Variants in TBC1D22A observed in about 807,000 individuals in gnomAD.
The protein encoded by TBC1D22A is TBC1 domain family member 22A, also known as putative GTPase activator.
Under a neutral mutation model 60.2 loss-of-function variants are expected in TBC1D22A, and 38 were observed. The ratio of observed to expected loss-of-function variants is 0.63; its 90% CI spans 0.49 to 0.83. The LOEUF is 0.83. TBC1D22A is among the 40% of genes least tolerant of loss of function. TBC1D22A has a pLI of 0.00. For missense variants in TBC1D22A, 628 were observed against 701.0 expected (o/e 0.90, Z 1.18); for synonymous variants, 302 against 281.7 (o/e 1.07, Z -0.72).
intron 12 of TBC1D22A, among the ~76,000 whole-genome samples, chr22:47,125,318 C>T (rs993700134): frequency 1.3e-5 from 2 of 152,218 alleles, no homozygotes; most frequent in African/African-American, 4.8e-5. Flanking sequence ...GCGGGGCTTT[C>T]TCAGAAGCCG....
At chr22:46,836,491 A>G (rs1348399443) in intron 4 of TBC1D22A, among the ~76,000 whole-genome samples, 1 of 152,168 alleles carries the variant, frequency 6.6e-6, no homozygotes, top group Non-Finnish European at 1.5e-5. Context: ...TATGGAAAAT[A>G]TAAAGAGAAA....
rs75671623 is a variant in TBC1D22A at position 46,844,762 on chromosome 22, C to G, written c.638-33891C>G. 5.3e-5 allele frequency among the ~76,000 whole-genome samples: 8 copies of G among 152,282 alleles called. No individual in the cohort carries two copies. In the East Asian group the frequency reaches 1.5e-3, roughly 29 times the overall value. On this transcript the variant is annotated intron_variant, in intron 4 of 12. Coordinates refer to ENST00000337137, the MANE Select transcript of TBC1D22A (RefSeq NM_014346.5). ...CACTTGCAGGCATCATAGCAGTTGA[C>G]GGTCTGAGCACAGTGAGGCTGGCCT...
intron 6 of TBC1D22A, 102 bp downstream of exon 6, chr22:46,891,496 G>C: frequency 7.6e-7 from 1 of 1,313,748 alleles, no homozygotes; most frequent in South Asian, 1.8e-5. Context: ...GTTGGTCAGA[G>C]TTAAAGATGC....
chr22:47,060,658 C>T (rs947149863), intron 11 of TBC1D22A, among the ~76,000 whole-genome samples: 1 of 152,286 alleles, frequency 6.6e-6, no homozygotes, highest in South Asian at 2.1e-4. Flanking sequence ...TCTTGAACTC[C>T]TGACCTCAGG....
intron 9 of TBC1D22A, 55 bp from the exon 10 acceptor site, chr22:46,997,578 TG>T: frequency 6.9e-7 from 1 of 1,453,838 alleles, no homozygotes. Flanking sequence ...TTTTCCCTTT[TG>T]GAAAGTTTGT....
At chr22:46,786,110 A>T (rs2084149344) in intron 1 of TBC1D22A, among the ~76,000 whole-genome samples, 1 of 152,190 alleles carries the variant, frequency 6.6e-6, no homozygotes, top group Admixed American at 6.5e-5. Flanking sequence ...GGGGCAAAAT[A>T]TTCAGCCTTT....
Position 47,028,481 on chromosome 22 carries a change from G to A in TBC1D22A, c.1202-8590G>A, listed in dbSNP as rs560375501. Among the ~76,000 whole-genome samples, 354 of 129,490 alleles carry A rather than the reference G, an allele frequency of 2.7e-3. 4 individuals are homozygous for A. The highest frequency in any genetic ancestry group is 9.8e-3 in the African/African-American group (276 of 28,212). The allele number at this position is 129,490 out of a possible 152,430, so 85.0% of individuals were successfully genotyped here. A position where few individuals can be genotyped will look rare whatever the true frequency, so the allele number is the denominator to read the frequency against. On this transcript the variant is annotated intron_variant, in intron 10 of 12. Coordinates refer to ENST00000337137, the MANE Select transcript of TBC1D22A (RefSeq NM_014346.5). This position sits in a 1 kb window ranked among gnomAD's most constrained non-coding sequence, Gnocchi z 4.4. ...GTCCCCCACGGCCCAGGTTCTGAGA[G>A]CGAGTGGTCGCATTCCTGTCCCTCG...
intron 4 of TBC1D22A, among the ~76,000 whole-genome samples, chr22:46,812,383 G>A (rs1437089979): frequency 6.6e-6 from 1 of 152,132 alleles, no homozygotes; most frequent in Non-Finnish European, 1.5e-5. Context: ...TGGGCTTGTG[G>A]TGCTGAGGAG....
At chr22:46,916,379 C>T (rs942327974) in intron 8 of TBC1D22A, among the ~76,000 whole-genome samples, 3 of 152,172 alleles carry the variant, frequency 2.0e-5, no homozygotes, top group East Asian at 1.9e-4. Flanking sequence ...AGGACACTGC[C>T]GGCCTGAGTC....
At chr22:47,065,854 C>T (rs570653610) in intron 11 of TBC1D22A, among the ~76,000 whole-genome samples, 39 of 152,216 alleles carry the variant, frequency 2.6e-4, no homozygotes, top group African/African-American at 7.2e-4. Flanking sequence ...TCCAGCTGTG[C>T]GTGGGGTGGG....
intron 4 of TBC1D22A, among the ~76,000 whole-genome samples, chr22:46,816,643 G>T (rs1230146112): frequency 6.6e-6 from 1 of 152,192 alleles, no homozygotes; most frequent in Admixed American, 6.5e-5. Flanking sequence ...CCACGTGGTA[G>T]ATGACAGGAT....
intron 7 of TBC1D22A, 111 bp from the exon 8 acceptor site, chr22:46,911,957 CTTAATA>C (rs1418498307): frequency 7.6e-6 from 5 of 658,292 alleles, no homozygotes; most frequent in South Asian, 2.0e-5. Flanking sequence ...ATATTTGTAT[CTTAATA>C]TTAGGAGCAA....
At chr22:46,877,003 C>G (rs2067599641) in intron 4 of TBC1D22A, among the ~76,000 whole-genome samples, 1 of 152,234 alleles carries the variant, frequency 6.6e-6, no homozygotes, top group African/African-American at 2.4e-5. Flanking sequence ...TATCCTGCTG[C>G]TGTGCTTTGA....
chr22:46,792,761 C>T (rs576239717), intron 2 of TBC1D22A, 185 bp downstream of exon 2: 91 of 1,471,436 alleles, frequency 6.2e-5, no homozygotes, highest in African/African-American at 1.4e-4. Context: ...CTGCGCATCC[C>T]GGTGAAGACG....
intron 8 of TBC1D22A, among the ~76,000 whole-genome samples, chr22:46,957,081 G>A (rs1158044318): frequency 2.0e-5 from 3 of 152,208 alleles, no homozygotes; most frequent in African/African-American, 4.8e-5. Context: ...GGGGAGCCTC[G>A]AGACCTTTCT....
chr22:46,806,141 G>A (rs1264592382), intron 4 of TBC1D22A, among the ~76,000 whole-genome samples: 1 of 152,130 alleles, frequency 6.6e-6, no homozygotes, highest in Non-Finnish European at 1.5e-5. Flanking sequence ...GTGAGCCACC[G>A]CGCCCGGCCT....
intron 12 of TBC1D22A, among the ~76,000 whole-genome samples, chr22:47,124,042 G>A (rs1409788964): frequency 6.6e-6 from 1 of 152,188 alleles, no homozygotes; most frequent in African/African-American, 2.4e-5. Flanking sequence ...TGGGCACATG[G>A]CAGGTCCATG....
At chr22:47,055,099 T>A (rs1031760565) in intron 11 of TBC1D22A, among the ~76,000 whole-genome samples, 2 of 152,196 alleles carry the variant, frequency 1.3e-5, no homozygotes, top group African/African-American at 4.8e-5. Flanking sequence ...GAGCAGGTTG[T>A]GACACTGCAT....
intron 11 of TBC1D22A, 42 bp from the exon 12 acceptor site, chr22:47,111,466 C>T (rs2065842891): frequency 6.4e-7 from 1 of 1,569,294 alleles, no homozygotes. Flanking sequence ...GTTAATGGGT[C>T]ACGCGTTACA....
Sources: gnomAD v4.1 joint callset for allele counts (sites outside exome capture counted in the v4.1 genomes callset) on GRCh38, gnomAD v4.1.1 for gene constraint, Gnocchi (gnomAD v3.1) non-coding constraint, MANE v1.5 for transcripts, NCBI Gene and HGNC (gene_info 2026-07-23, HGNC 2026-07-21) for gene names.